The following HS6ST3 variants were observed in gnomAD, a reference collection of about 807,000 sequenced individuals.
The protein encoded by HS6ST3 is heparan sulfate 6-O-sulfotransferase 3, also known as heparan-sulfate 6-O-sulfotransferase 3.
In HS6ST3, 12 loss-of-function variants were observed where a neutral mutation model predicts 36.7. The ratio of observed to expected loss-of-function variants is 0.33; its 90% confidence interval spans 0.21 to 0.53. The LOEUF is 0.53. HS6ST3 is among the 20% of genes least tolerant of loss of function. The pLI, the probability that HS6ST3 is intolerant of heterozygous loss-of-function variation, is 0.95. For synonymous variants in HS6ST3, 240 were observed against 257.5 expected (o/e 0.93, Z 0.65); for missense variants, 584 against 640.9 (o/e 0.91, Z 0.96).
intron 1 of HS6ST3, among the ~76,000 whole-genome samples, chr13:96,644,176 A>T (rs1032744284): frequency 9.9e-5 from 15 of 151,962 alleles, no homozygotes; most frequent in Admixed American, 2.0e-4. Flanking sequence ...ATCATATTGC[A>T]TATGATAATG....
At chr13:96,346,770 A>G (rs1467299836) in intron 1 of HS6ST3, among the ~76,000 whole-genome samples, 3 of 152,124 alleles carry the variant, frequency 2.0e-5, no homozygotes, top group African/African-American at 7.2e-5. Flanking sequence ...CAGAGATTCC[A>G]GCCCCTGGGG....
chr13:96,566,889 G>A (rs758106766), intron 1 of HS6ST3, among the ~76,000 whole-genome samples: 29 of 152,002 alleles, frequency 1.9e-4, no homozygotes, highest in Admixed American at 9.8e-4. Flanking sequence ...AATAACAGAG[G>A]AAATAACTTA....
rs1008102790 is a variant in HS6ST3 at position 96,234,184 on chromosome 13, C to T, written c.707+142615C>T. Among the ~76,000 whole-genome samples, 46 of 150,224 alleles carry T rather than the reference C, an allele frequency of 3.1e-4. 2 individuals are homozygous for T. The highest frequency in any genetic ancestry group is 2.5e-3 in the Admixed American group (38 of 15,132). On this transcript the variant is annotated intron_variant, in intron 1 of 1. Transcript: ENST00000376705. ...CAGCACTTTGGGAGGCTGAGGCAGGCAGATCACCTGAGGTCAGGAGTTTGA... is the reference window on the plus strand; with the variant it reads ...CAGCACTTTGGGAGGCTGAGGCAGGTAGATCACCTGAGGTCAGGAGTTTGA...
intron 1 of HS6ST3, among the ~76,000 whole-genome samples, chr13:96,587,710 C>G (rs911850824): frequency 5.9e-5 from 9 of 152,148 alleles, no homozygotes; most frequent in African/African-American, 2.2e-4. Flanking sequence ...TGGCATTACT[C>G]CCTTAATGAG....
At chr13:96,479,936 A>G (rs546993393) in intron 1 of HS6ST3, among the ~76,000 whole-genome samples, 6 of 152,256 alleles carry the variant, frequency 3.9e-5, no homozygotes, top group Non-Finnish European at 7.4e-5. Flanking sequence ...ACCTTAGCCC[A>G]GAATTGACCC....
intron 1 of HS6ST3, among the ~76,000 whole-genome samples, chr13:96,557,099 T>A (rs777847133): frequency 1.3e-5 from 2 of 152,244 alleles, no homozygotes; most frequent in Non-Finnish European, 2.9e-5. Flanking sequence ...CCAGTCCAGC[T>A]GTTCATCAGT....
intron 1 of HS6ST3, among the ~76,000 whole-genome samples, chr13:96,311,043 C>G (rs1006073143): frequency 2.6e-5 from 4 of 152,094 alleles, no homozygotes; most frequent in Non-Finnish European, 4.4e-5. Context: ...GCAGATAACT[C>G]CATGAAGCCA....
intron 1 of HS6ST3, among the ~76,000 whole-genome samples, chr13:96,513,063 T>C (rs1009744952): frequency 6.6e-6 from 1 of 152,142 alleles, no homozygotes; most frequent in Non-Finnish European, 1.5e-5. Flanking sequence ...AAAAGAATCT[T>C]TTCCTTGAAA....
rs2056681112 is a variant in HS6ST3 at position 96,671,090 on chromosome 13, G to A, written c.708-161400G>A. On this transcript the variant is annotated intron_variant, in intron 1 of 1. Coordinates refer to ENST00000376705, the MANE Select transcript of HS6ST3 (RefSeq NM_153456.4). ...GAGTAACTTACAAATATGACTAGAAGGGACCCCCTCAGCCTAAACCTGACC... is the reference window on the plus strand; with the variant it reads ...GAGTAACTTACAAATATGACTAGAAAGGACCCCCTCAGCCTAAACCTGACC... 2.0e-5 allele frequency among the ~76,000 whole-genome samples: 3 copies of A among 152,166 alleles called. No individual in the cohort carries two copies. In the South Asian group the frequency reaches 6.2e-4, roughly 32 times the overall value.
At chr13:96,281,135 A>G (rs1015911746) in intron 1 of HS6ST3, among the ~76,000 whole-genome samples, 2 of 151,940 alleles carry the variant, frequency 1.3e-5, no homozygotes, top group African/African-American at 4.8e-5. Flanking sequence ...CCTCCTGAGT[A>G]CCTGGGACTA....
At chr13:96,392,311 T>C (rs2055399911) in intron 1 of HS6ST3, among the ~76,000 whole-genome samples, 1 of 152,244 alleles carries the variant, frequency 6.6e-6, no homozygotes, top group Non-Finnish European at 1.5e-5. Flanking sequence ...CATTCAATAA[T>C]TATTGAGCAT....
At position 96,382,728 on chromosome 13, in the gene HS6ST3, A is replaced by G. The variant is rs1404959782; in HGVS notation, c.707+291159A>G. Reference sequence around the variant, plus strand: ...ATTTACCTTGTAGGGAGTAGATACCAGTTAATATTTCTCACTGATTATGCT... The same window carrying G: ...ATTTACCTTGTAGGGAGTAGATACCGGTTAATATTTCTCACTGATTATGCT... On this transcript the variant is annotated intron_variant, in intron 1 of 1. Coordinates refer to ENST00000376705, the MANE Select transcript of HS6ST3 (RefSeq NM_153456.4). Among the ~76,000 whole-genome samples, 4 of 152,344 alleles carry G rather than the reference A, an allele frequency of 2.6e-5. No individual in the cohort carries two copies. In the East Asian group the frequency reaches 7.7e-4, roughly 29 times the overall value.
intron 1 of HS6ST3, among the ~76,000 whole-genome samples, chr13:96,331,711 A>G (rs1462270344): frequency 6.6e-6 from 1 of 152,278 alleles, no homozygotes; most frequent in East Asian, 1.9e-4. Context: ...GGCTCCACCC[A>G]GTTGGAGCTT....
intron 1 of HS6ST3, among the ~76,000 whole-genome samples, chr13:96,144,304 A>C (rs2054045881): frequency 6.6e-6 from 1 of 152,222 alleles, no homozygotes; most frequent in Admixed American, 6.5e-5. Flanking sequence ...ATTACTAAGT[A>C]TACTGTAAAA....
At chr13:96,772,451 G>C (rs1300871124) in intron 1 of HS6ST3, among the ~76,000 whole-genome samples, 1 of 152,168 alleles carries the variant, frequency 6.6e-6, no homozygotes, top group Non-Finnish European at 1.5e-5. Context: ...CCATGTTTTT[G>C]TTGGGCCTTG....
chr13:96,111,715 A>G (rs536343063), intron 1 of HS6ST3, among the ~76,000 whole-genome samples: 5 of 152,202 alleles, frequency 3.3e-5, no homozygotes, highest in Admixed American at 1.3e-4. Context: ...TATATCAGCA[A>G]TAAGCAACTA....
chr13:96,484,479 CT>C (rs2055904572), intron 1 of HS6ST3, among the ~76,000 whole-genome samples: 1 of 152,158 alleles, frequency 6.6e-6, no homozygotes, highest in African/African-American at 2.4e-5. Context: ...ATAACTGAAA[CT>C]TTGTATCCTT....
intron 1 of HS6ST3, among the ~76,000 whole-genome samples, chr13:96,197,394 C>T (rs144404232): frequency 0.014 from 2,078 of 152,288 alleles, 37 homozygotes; most frequent in African/African-American, 0.047. Flanking sequence ...CCTCCCACAA[C>T]ATGTGGGAAT....
At chr13:96,611,753 GA>G (rs1457641285) in intron 1 of HS6ST3, among the ~76,000 whole-genome samples, 1 of 152,136 alleles carries the variant, frequency 6.6e-6, no homozygotes, top group Non-Finnish European at 1.5e-5. Flanking sequence ...ATCAAATTAT[GA>G]AGATTCAGGG....
Sources: allele counts gnomAD v4.1 joint callset (sites outside exome capture counted in the v4.1 genomes callset), GRCh38; gene constraint gnomAD v4.1.1; transcripts MANE v1.5; gene names NCBI Gene and HGNC (gene_info 2026-07-23, HGNC 2026-07-21).